Variants in PDS5B observed in about 807,000 individuals in gnomAD.
The protein encoded by PDS5B is sister chromatid cohesion protein PDS5 homolog B.
Under a neutral mutation model 184.1 loss-of-function variants are expected in PDS5B, and 51 were observed. That is an observed-to-expected ratio of 0.28 (90% confidence interval 0.22 to 0.35). The LOEUF (loss-of-function observed/expected upper bound fraction) is 0.35. PDS5B is among the 10% of genes least tolerant of loss of function. PDS5B has a pLI of 1.00. For synonymous variants in PDS5B, 566 were observed against 569.2 expected (o/e 0.99, Z 0.08); for missense variants, 1,180 against 1,723.3 (o/e 0.68, Z 5.58).
At chr13:32,687,113 A>G (rs1456358216) in intron 11 of PDS5B, 21 bp from the exon 12 acceptor site, 14 of 1,570,342 alleles carry the variant, frequency 8.9e-6, no homozygotes, top group African/African-American at 1.4e-5. Context: ...TACATTATAA[A>G]TAAAACTTTT....
intron 3 of PDS5B, among the ~76,000 whole-genome samples, chr13:32,655,374 A>ATATATATATATTTTTTT: frequency 6.9e-5 from 5 of 72,464 alleles, no homozygotes; most frequent in African/African-American, 3.3e-4. Flanking sequence ...ATATATATAT[A>ATATATATATATTTTTTT]TTTTTTTTTT....
chr13:32,685,750 C>T (rs979773884), intron 11 of PDS5B, among the ~76,000 whole-genome samples: 82 of 152,258 alleles, frequency 5.4e-4, no homozygotes, highest in Non-Finnish European at 1.1e-3. Flanking sequence ...TCCAACAGTC[C>T]TCCCACCTCA....
intron 34 of PDS5B, 35 bp from the exon 35 acceptor site, chr13:32,774,982 A>G (rs1566437958): frequency 1.3e-6 from 2 of 1,596,856 alleles, no homozygotes; most frequent in Non-Finnish European, 8.6e-7. Flanking sequence ...ACATATACCC[A>G]TTTTAATTAA....
At chr13:32,741,002 T>TTAAAA in intron 21 of PDS5B, 78 bp from the exon 22 acceptor site, 1 of 836,948 alleles carries the variant, frequency 1.2e-6, no homozygotes, top group Admixed American at 2.2e-5. Context: ...TTCATTCATT[T>TTAAAA]TCTAAGTGCT....
chr13:32,617,253 T>C (rs1403666581), intron 1 of PDS5B, among the ~76,000 whole-genome samples: 1 of 152,220 alleles, frequency 6.6e-6, no homozygotes, highest in Non-Finnish European at 1.5e-5. Flanking sequence ...TATCCTGTCT[T>C]GGCCACCAGT....
At chr13:32,676,967 C>T (rs1382818231) in intron 9 of PDS5B, among the ~76,000 whole-genome samples, 1 of 149,202 alleles carries the variant, frequency 6.7e-6, no homozygotes, top group Non-Finnish European at 1.5e-5. Context: ...GATTTAAAGG[C>T]CCTGATTTTA....
In PDS5B at chr13:32,734,066, C is replaced by T. The variant is rs147256657; in HGVS notation, c.2248-1106C>T. Among the ~76,000 whole-genome samples the T allele has an allele frequency of 4.3e-3, 651 of 150,178 alleles. 4 individuals are homozygous for T. Among genetic ancestry groups the T allele is most frequent in the Non-Finnish European group, 7.4e-3 (504 of 67,902 alleles). On this transcript the variant is annotated intron_variant, in intron 20 of 34. Transcript: ENST00000315596. ...TTTCTGAGATAGAGTCTTGCTCTGT[C>T]ATCCAGGCTGGAGTGTAGTGGCGTG...
intron 19 of PDS5B, among the ~76,000 whole-genome samples, chr13:32,716,052 C>T (rs932302727): frequency 0.26 from 20 of 76 alleles, no homozygotes; most frequent in African/African-American, 0.43. Flanking sequence ...CCCAAAGTGC[C>T]GAGAGTTGCA....
intron 29 of PDS5B, among the ~76,000 whole-genome samples, chr13:32,759,899 A>G (rs1303756356): frequency 6.6e-6 from 1 of 152,142 alleles, no homozygotes; most frequent in Non-Finnish European, 1.5e-5. Context: ...TTAGCTTGTA[A>G]TAAAGTCCTA....
At chr13:32,713,459 C>T (rs1291720215) in intron 19 of PDS5B, among the ~76,000 whole-genome samples, 1 of 151,936 alleles carries the variant, frequency 6.6e-6, no homozygotes, top group South Asian at 2.1e-4. Context: ...GGAAGGTAAA[C>T]AGCAAATGAC....
chr13:32,752,590 T>C (rs1593605540), intron 24 of PDS5B, among the ~76,000 whole-genome samples: 1 of 152,196 alleles, frequency 6.6e-6, no homozygotes, highest in Admixed American at 6.6e-5. Context: ...TACAGAATGC[T>C]AAGAGCACAG....
intron 30 of PDS5B, among the ~76,000 whole-genome samples, chr13:32,762,059 G>A (rs1208207971): frequency 6.6e-6 from 1 of 152,166 alleles, no homozygotes; most frequent in African/African-American, 2.4e-5. Context: ...GATGATTAGC[G>A]ATGATGAGCA....
intron 19 of PDS5B, among the ~76,000 whole-genome samples, chr13:32,721,419 CG>C (rs1566372301): frequency 6.7e-6 from 1 of 150,004 alleles, no homozygotes; most frequent in East Asian, 2.0e-4. Flanking sequence ...GAGCGGCTGC[CG>C]GGCGGAGGGG....
intron 19 of PDS5B, among the ~76,000 whole-genome samples, chr13:32,724,077 C>A (rs1458759671): frequency 6.6e-6 from 1 of 152,194 alleles, no homozygotes; most frequent in Non-Finnish European, 1.5e-5. Context: ...ACAGTTAACA[C>A]TAATAACTTA....
intron 1 of PDS5B, among the ~76,000 whole-genome samples, chr13:32,606,007 T>C (rs2058054962): frequency 1.3e-5 from 2 of 152,338 alleles, no homozygotes; most frequent in Non-Finnish European, 2.9e-5. Flanking sequence ...CTGATGGGTC[T>C]TGACTCTTTA....
intron 27 of PDS5B, 120 bp from the exon 28 acceptor site, chr13:32,758,408 TTACACA>T: frequency 9.6e-7 from 1 of 1,040,352 alleles, no homozygotes. Flanking sequence ...GCTAAGATGC[TTACACA>T]GACTGTTGCT....
intron 1 of PDS5B, among the ~76,000 whole-genome samples, chr13:32,593,609 G>C (rs913281440): frequency 1.3e-5 from 2 of 152,206 alleles, no homozygotes; most frequent in African/African-American, 4.8e-5. Flanking sequence ...CCAAAGTGCT[G>C]GGATTACAGG....
chr13:32,646,570 A>G (rs1160819739), intron 1 of PDS5B, among the ~76,000 whole-genome samples: 2 of 150,696 alleles, frequency 1.3e-5, no homozygotes, highest in East Asian at 3.9e-4. Flanking sequence ...GGGCCTATTT[A>G]TCTTTTTTTT....
At chr13:32,635,894 G>A (rs958175822) in intron 1 of PDS5B, among the ~76,000 whole-genome samples, 1 of 149,624 alleles carries the variant, frequency 6.7e-6, no homozygotes, top group African/African-American at 2.5e-5. Flanking sequence ...TCAGCCTCCC[G>A]AGTAGCTGGG....
Sources: gnomAD v4.1 joint callset for allele counts (sites outside exome capture counted in the v4.1 genomes callset) on GRCh38, gnomAD v4.1.1 for gene constraint, MANE v1.5 for transcripts, NCBI Gene and HGNC (gene_info 2026-07-23, HGNC 2026-07-21) for gene names.